The following ENTPD6 variants were observed in gnomAD, a reference collection of about 807,000 sequenced individuals.
The protein encoded by ENTPD6 is ectonucleoside triphosphate diphosphohydrolase 6.
ENTPD6 carries 46 observed loss-of-function variants against 61.5 expected under a neutral mutation model. That is an observed-to-expected ratio of 0.75 (90% CI 0.59 to 0.96). ENTPD6 has a LOEUF of 0.96. Among genes scored for constraint, ENTPD6 ranks in the 40% least tolerant of loss-of-function variants. The pLI, the probability that ENTPD6 is intolerant of heterozygous loss-of-function variation, is 0.00. For missense variants in ENTPD6, 612 were observed against 629.0 expected, an observed-to-expected ratio of 0.97 and a Z score of 0.29; for synonymous variants, 252 against 255.5, an observed-to-expected ratio of 0.99 and a Z score of 0.13.
intron 4 of ENTPD6, 50 bp downstream of exon 4, chr20:25,209,975 G>T (rs1181689491): frequency 6.7e-7 from 1 of 1,492,848 alleles, no homozygotes; most frequent in Non-Finnish European, 9.3e-7. Context: ...ATGTGTTCAA[G>T]CCAGTTCTTT....
chr20:25,208,453 T>A (rs73904021), intron 3 of ENTPD6, among the ~76,000 whole-genome samples: 5,882 of 149,944 alleles, frequency 0.039, 189 homozygotes, highest in African/African-American at 0.095. Flanking sequence ...TCTCAAAAAA[T>A]TTTTTTTTAA....
chr20:25,204,802 A>G (rs1301689420), intron 1 of ENTPD6, among the ~76,000 whole-genome samples: 1 of 152,194 alleles, frequency 6.6e-6, no homozygotes, highest in Non-Finnish European at 1.5e-5. Flanking sequence ...CATGCTGGGG[A>G]GGCCTGGGGC....
rs559242352 is a variant in ENTPD6 at position 25,213,229 on chromosome 20, GA to G, written c.454-33del. 1.4e-4 allele frequency: 223 copies of G among 1,613,990 alleles called. 1 individual carries two copies. In the South Asian group the frequency reaches 2.2e-3, roughly 16 times the overall value. ...ACGTGTGACCCTGTATGCTGCACTTGACAGACCCTGCTTTGCTCTTACCACG... is the reference window on the plus strand; with the variant it reads ...ACGTGTGACCCTGTATGCTGCACTTGCAGACCCTGCTTTGCTCTTACCACG... On this transcript the variant is annotated intron_variant, in intron 4 of 14. Transcript: ENST00000376652.
rs1479297247 is a variant in ENTPD6 at position 25,217,566 on chromosome 20, A to G, written c.863A>G (p.Lys288Arg). 1 of 1,614,062 alleles carries G rather than the reference A, an allele frequency of 6.2e-7. No individual in the cohort carries two copies. The highest frequency in any genetic ancestry group is 2.2e-5 in the East Asian group (1 of 44,880). ...TALRMFNRTY[K>R]LYSYSYLGLG... ...CTGCGGATGTTTAACAGGACCTACA[A>G]GCTCTATTCCTACAGGTCTGCTTTC... The change falls in exon 9 of 15, where the codon AAG (lysine) becomes AGG (arginine). Residue 288 changes from lysine (K) to arginine (R), a missense_variant. Lys to Arg is a conservative substitution (Grantham distance 26). Coordinates refer to ENST00000376652, the MANE Select transcript of ENTPD6 (RefSeq NM_001247.5).
At chr20:25,197,109 C>T (rs2090520803) in intron 1 of ENTPD6, 2 of 985,312 alleles carry the variant, frequency 2.0e-6, no homozygotes, top group Admixed American at 6.2e-5. Flanking sequence ...ATACAGCGTG[C>T]ATGGCAGGCA....
Position 25,216,832 on chromosome 20 carries a change from G to C in ENTPD6, c.798+96G>C, listed in dbSNP as rs939598826. The stretch of plus-strand genomic sequence containing the variant: ...GCCTGCTGAGGTGCTGCGGGGTGGG[G>C]TGGGGGGTGGGGTTGGCCAGGTCTC... On this transcript the variant is annotated intron_variant, in intron 8 of 14. Coordinates refer to ENST00000376652, the MANE Select transcript of ENTPD6 (RefSeq NM_001247.5). The C allele has an allele frequency of 6.0e-6, 5 of 832,608 alleles. 1 individual carries two copies. The African/African-American group carries it at 8.5e-5, about 14-fold the overall frequency. 51.6% of individuals were successfully genotyped at this position (832,608 alleles called of 1,614,324 possible). A position where few individuals can be genotyped will look rare whatever the true frequency, so the allele number is the denominator to read the frequency against.
chr20:25,207,176 G>C lies in ENTPD6; in HGVS notation c.155G>C (p.Gly52Ala). 1 of 1,614,112 alleles carries C rather than the reference G, an allele frequency of 6.2e-7. No individual in the cohort carries two copies. Residue 52 changes from glycine (G) to alanine (A), a missense_variant, in exon 3 of 15, where the codon GGC becomes GCC. Gly to Ala is a moderately conservative substitution (Grantham distance 60). Transcript: ENST00000376652. ...GCATACCCCCTGGGGCTGTGTGTGGGCGTGTTCATCTATGTTGCCTACATC... is the reference window on the plus strand; with the variant it reads ...GCATACCCCCTGGGGCTGTGTGTGGCCGTGTTCATCTATGTTGCCTACATC... ...KVAYPLGLCV[G>A]VFIYVAYIKW... is the part of the protein sequence containing the mutation.
At chr20:25,225,478 C>T (rs1365942024) in intron 14 of ENTPD6, 21 bp from the exon 15 acceptor site, 3 of 1,609,862 alleles carry the variant, frequency 1.9e-6, no homozygotes, top group South Asian at 2.2e-5. Flanking sequence ...ATGGTCCCCT[C>T]TCCCTCTCTG....
At chr20:25,215,965 C>A (rs997249627) in intron 7 of ENTPD6, among the ~76,000 whole-genome samples, 1 of 152,172 alleles carries the variant, frequency 6.6e-6, no homozygotes, top group Admixed American at 6.5e-5. Flanking sequence ...CCTGCCCTGT[C>A]CCCTGCAGAA....
Position 25,214,897 on chromosome 20 carries a change from C to T in ENTPD6, c.628C>T (p.Leu210Phe), listed in dbSNP as rs375060839. 5 of 1,605,338 alleles carry T rather than the reference C, an allele frequency of 3.1e-6. No individual in the cohort carries two copies. The highest frequency in any genetic ancestry group is 4.3e-6 in the Non-Finnish European group (5 of 1,172,090). Residue 210 changes from leucine (L) to phenylalanine (F), a missense_variant, in exon 6 of 15, where the codon CTT (leucine) becomes TTT (phenylalanine). Transcript: ENST00000376652. ...VKKVFKASPF[L>F]VGDDCVSIMN... is the part of the protein sequence containing the mutation. ...AAAAGTATTTAAAGCATCGCCTTTC[C>T]TTGTAGGGGATGACTGTGTTTCCAT...
At chr20:25,223,805 TCTTAA>T (rs1418239920) in intron 12 of ENTPD6, 1 of 270,962 alleles carries the variant, frequency 3.7e-6, no homozygotes, top group African/African-American at 2.2e-5. Flanking sequence ...CTTTTATTTT[TCTTAA>T]CTTAAAATTT....
intron 5 of ENTPD6, among the ~76,000 whole-genome samples, chr20:25,214,524 C>T (rs940309545): frequency 6.6e-6 from 1 of 152,212 alleles, no homozygotes; most frequent in African/African-American, 2.4e-5. Context: ...GGGCTTAGGA[C>T]AGGGTCTCCA....
chr20:25,209,259 G>A (rs1165232606), intron 3 of ENTPD6, among the ~76,000 whole-genome samples: 1 of 151,782 alleles, frequency 6.6e-6, no homozygotes, highest in Admixed American at 6.6e-5. Flanking sequence ...ACAGGCGCCC[G>A]CCACCACGCC....
intron 4 of ENTPD6, among the ~76,000 whole-genome samples, chr20:25,211,598 TAGAG>T (rs1477191134): frequency 6.6e-6 from 1 of 152,248 alleles, no homozygotes; most frequent in African/African-American, 2.4e-5. Context: ...GCAGGATAAT[TAGAG>T]AGCGTTTATG....
rs1462149838 is a variant in ENTPD6 at position 25,195,786 on chromosome 20, G to C, written c.-97G>C. 9 of 1,177,014 alleles carry C rather than the reference G, an allele frequency of 7.6e-6. No homozygotes were observed. The highest frequency in any genetic ancestry group is 8.5e-5 in the Admixed American group (2 of 23,640). The allele number at this position is 1,177,014 out of a possible 1,614,324, so 72.9% of individuals were successfully genotyped here. A position where few individuals can be genotyped will look rare whatever the true frequency, so the allele number is the denominator to read the frequency against. On this transcript the variant is annotated 5_prime_UTR_variant, in exon 1 of 15. Transcript: ENST00000376652. ...GCCGGGGTGGCGCCGGCCGGGGCGG[G>C]GGAGCCCAAAAGACCGGCTGCCGCC...
intron 1 of ENTPD6, among the ~76,000 whole-genome samples, chr20:25,201,502 C>A (rs1024392316): frequency 2.6e-5 from 4 of 152,088 alleles, no homozygotes; most frequent in Non-Finnish European, 4.4e-5. Flanking sequence ...ACTATTTTAT[C>A]ATGATATAAT....
Position 25,206,597 on chromosome 20 carries a change from C to A in ENTPD6, c.54+7C>A. The A allele has an allele frequency of 6.2e-7, 1 of 1,608,430 alleles. No homozygotes were observed. The highest frequency in any genetic ancestry group is 8.5e-7 in the Non-Finnish European group (1 of 1,174,772). On this transcript the variant is annotated splice_region_variant and intron_variant, in intron 2 of 14. Transcript: ENST00000376652. Reference sequence around the variant, plus strand: ...AACGAGCTACATTTTTCAGGTTTGTCTGGGGCTCTCAGTAGTTGCCCAAGG... The same window carrying A: ...AACGAGCTACATTTTTCAGGTTTGTATGGGGCTCTCAGTAGTTGCCCAAGG...
At chr20:25,224,385 A>G in intron 13 of ENTPD6, 1 of 423,614 alleles carries the variant, frequency 2.4e-6, no homozygotes, top group Non-Finnish European at 4.3e-6. Flanking sequence ...TACTGCTACT[A>G]GGGTAACCCC....
At chr20:25,206,332 C>T (rs889516491) in intron 1 of ENTPD6, among the ~76,000 whole-genome samples, 190 bp from the exon 2 acceptor site, 51 of 152,232 alleles carry the variant, frequency 3.4e-4, no homozygotes, top group Non-Finnish European at 5.6e-4. Context: ...TCGGCCCACA[C>T]TTCTTGTCCT....
Sources: gnomAD v4.1 joint callset for allele counts (sites outside exome capture counted in the v4.1 genomes callset) on GRCh38, gnomAD v4.1.1 for gene constraint, MANE v1.5 for transcripts, NCBI Gene and HGNC (gene_info 2026-07-23, HGNC 2026-07-21) for gene names.